DUSP16: variants seen among roughly 807,000 people sequenced by gnomAD.
DUSP16 encodes the protein dual specificity phosphatase 16.
In DUSP16, 21 loss-of-function variants were observed where a neutral mutation model predicts 58.3. The ratio of observed to expected loss-of-function variants is 0.36; its 90% confidence interval spans 0.26 to 0.52. DUSP16 has a LOEUF of 0.52. Among genes scored for constraint, DUSP16 ranks in the 20% least tolerant of loss-of-function variants. The pLI, the probability that DUSP16 is intolerant of heterozygous loss-of-function variation, is 0.94. For synonymous variants in DUSP16, 320 were observed against 323.8 expected, an observed-to-expected ratio of 0.99 and a Z score of 0.12; for missense variants, 726 against 819.0, an observed-to-expected ratio of 0.89 and a Z score of 1.39.
Position 12,560,391 on chromosome 12 carries a change from T to C in DUSP16, c.-366+1726A>G, listed in dbSNP as rs566830840. Among the ~76,000 whole-genome samples, 32 of 152,320 alleles carry C rather than the reference T, an allele frequency of 2.1e-4. No homozygotes were observed. The East Asian group carries it at 4.6e-3, about 22-fold the overall frequency. On this transcript the variant is annotated intron_variant, in intron 1 of 6. Transcript: ENST00000298573. ...TTCCCCCATGTAGAATTTTGATAAGTGCAAAAATTATTTTACCTAAAATCC... is the reference window on the plus strand; with the variant it reads ...TTCCCCCATGTAGAATTTTGATAAGCGCAAAAATTATTTTACCTAAAATCC...
At chr12:12,496,604 C>A (rs1943831541) in intron 4 of DUSP16, among the ~76,000 whole-genome samples, 1 of 152,214 alleles carries the variant, frequency 6.6e-6, no homozygotes, top group African/African-American at 2.4e-5. Flanking sequence ...ATAGGTAAGT[C>A]AGTCATATGC....
At position 12,487,222 on chromosome 12, in the gene DUSP16, A is replaced by C. The variant is rs771945340; in HGVS notation, c.532-35T>G. On this transcript the variant is annotated intron_variant, in intron 4 of 6. Transcript: ENST00000298573. ...GAAAGAGTAGCAGTTAAAGTGACTA[A>C]TAATATAGTAAACATGATCATTCTG... 1.9e-6 allele frequency: 3 copies of C among 1,601,004 alleles called. No homozygotes were observed. The South Asian group carries it at 3.3e-5, about 18-fold the overall frequency.
chr12:12,535,211 T>C (rs571716905), intron 1 of DUSP16, among the ~76,000 whole-genome samples: 5 of 152,332 alleles, frequency 3.3e-5, no homozygotes, highest in East Asian at 3.9e-4. Flanking sequence ...GAGCTGTTAG[T>C]TCTCCTTACC....
chr12:12,517,071 G>A (rs1944164560), intron 3 of DUSP16, among the ~76,000 whole-genome samples: 1 of 152,190 alleles, frequency 6.6e-6, no homozygotes, highest in Non-Finnish European at 1.5e-5. Context: ...AATTTCTTGG[G>A]AGTCCTCTTG....
chr12:12,482,348 T>TAA, intron 5 of DUSP16, among the ~76,000 whole-genome samples: 1 of 152,344 alleles, frequency 6.6e-6, no homozygotes, highest in South Asian at 2.1e-4. Flanking sequence ...GTTGAGGTTA[T>TAA]AGGTTTCCTT....
chr12:12,504,199 T>C (rs1943951282), intron 3 of DUSP16, among the ~76,000 whole-genome samples: 1 of 152,252 alleles, frequency 6.6e-6, no homozygotes, highest in Admixed American at 6.5e-5. Flanking sequence ...TCAGGCACTA[T>C]TTTAATTACA....
At chr12:12,556,850 A>G (rs565592700) in intron 1 of DUSP16, among the ~76,000 whole-genome samples, 247 of 152,340 alleles carry the variant, frequency 1.6e-3, no homozygotes, top group Non-Finnish European at 2.9e-3. Flanking sequence ...TGCCATAGGG[A>G]CAAGAGTTGA....
intron 1 of DUSP16, among the ~76,000 whole-genome samples, chr12:12,537,508 C>T (rs1451795781): frequency 1.3e-5 from 2 of 152,156 alleles, no homozygotes; most frequent in Admixed American, 1.3e-4. Context: ...AAAATCATTA[C>T]AAATACAGTA....
At chr12:12,514,151 T>A (rs913518685) in intron 3 of DUSP16, among the ~76,000 whole-genome samples, 1 of 152,224 alleles carries the variant, frequency 6.6e-6, no homozygotes, top group African/African-American at 2.4e-5. Context: ...CAAGCGTTAT[T>A]ATCTCTTTTT....
chr12:12,489,937 G>A (rs1943739314), intron 4 of DUSP16, among the ~76,000 whole-genome samples: 1 of 152,172 alleles, frequency 6.6e-6, no homozygotes, highest in South Asian at 2.1e-4. Context: ...ACTGTATTAA[G>A]CATTTAAATG....
At chr12:12,524,880 G>A (rs577682550) in intron 1 of DUSP16, among the ~76,000 whole-genome samples, 1 of 152,014 alleles carries the variant, frequency 6.6e-6, no homozygotes, top group Non-Finnish European at 1.5e-5. Context: ...ATCAATAAAG[G>A]TGTTTAAAAT....
At chr12:12,494,678 AT>A (rs1943805324) in intron 4 of DUSP16, among the ~76,000 whole-genome samples, 1 of 152,178 alleles carries the variant, frequency 6.6e-6, no homozygotes, top group Admixed American at 6.5e-5. Context: ...GGACAGAAAT[AT>A]CTGGGGTGCA....
chr12:12,482,091 T>G (rs1354386750), intron 5 of DUSP16, among the ~76,000 whole-genome samples: 1 of 152,200 alleles, frequency 6.6e-6, no homozygotes, highest in Non-Finnish European at 1.5e-5. Context: ...GGAAGGAGTC[T>G]GGGTTTTTGT....
chr12:12,556,615 AG>A (rs1344092587), intron 1 of DUSP16, among the ~76,000 whole-genome samples: 15 of 152,152 alleles, frequency 9.9e-5, no homozygotes, highest in African/African-American at 3.4e-4. Context: ...AAAAGAGTGA[AG>A]GGCACATATT....
chr12:12,489,801 C>T (rs1198192781), intron 4 of DUSP16, among the ~76,000 whole-genome samples: 2 of 152,140 alleles, frequency 1.3e-5, no homozygotes, highest in Non-Finnish European at 2.9e-5. Flanking sequence ...GAAATGACAA[C>T]CTATATTAAG....
chr12:12,522,648 C>T (rs1052426878), intron 1 of DUSP16, among the ~76,000 whole-genome samples: 3 of 152,046 alleles, frequency 2.0e-5, no homozygotes, highest in African/African-American at 7.2e-5. Context: ...ACTGCAACCC[C>T]TGCCTCTCAG....
rs1198917439 is a variant in DUSP16 at position 12,477,653 on chromosome 12, C to T, written c.1178G>A (p.Ser393Asn). 3 of 1,614,216 alleles carry T rather than the reference C, an allele frequency of 1.9e-6. No homozygotes were observed. Among genetic ancestry groups the T allele is most frequent in the Middle Eastern group, 1.6e-4 (1 of 6,062 alleles). ...LHLSADRLEDSNKLKRSFSLD... is the reference protein window; with the variant it reads ...LHLSADRLEDNNKLKRSFSLD... ...AGAGAAGGAACGCTTGAGCTTATTG[C>T]TGTCTTCCAGCCTGTCTGCGGACAG... is the stretch of plus-strand genomic sequence containing the variant. Residue 393 changes from serine (S) to asparagine (N), a missense_variant, in exon 7 of 7, where the codon AGC becomes AAC. Transcript: ENST00000298573. The surrounding 1 kb of genome is among the most constrained non-coding windows in gnomAD (Gnocchi z 4.1).
At chr12:12,489,196 T>G (rs1943727576) in intron 4 of DUSP16, among the ~76,000 whole-genome samples, 1 of 152,226 alleles carries the variant, frequency 6.6e-6, no homozygotes, top group African/African-American at 2.4e-5. Context: ...GTGGATTTCT[T>G]AGATTGGCCA....
rs1444427823 is a variant in DUSP16 at position 12,476,789 on chromosome 12, CAAG to C, written c.*41_*43del. ...GATTTACAGGGAATTTTTTTGTGAA[CAAG>C]AAAAAAAAATTGTCTATAGAAGTCA... On this transcript the variant is annotated 3_prime_UTR_variant, in exon 7 of 7. Coordinates refer to ENST00000298573, the MANE Select transcript of DUSP16 (RefSeq NM_030640.3). 4 of 1,507,726 alleles carry C rather than the reference CAAG, an allele frequency of 2.7e-6. No homozygotes were observed. The highest frequency in any genetic ancestry group is 3.5e-6 in the Non-Finnish European group (4 of 1,134,728). The allele number at this position is 1,507,726 out of a possible 1,614,324, so 93.4% of individuals were successfully genotyped here. A position where few individuals can be genotyped will look rare whatever the true frequency, so the allele number is the denominator to read the frequency against.
Sources: allele counts gnomAD v4.1 joint callset (sites outside exome capture counted in the v4.1 genomes callset), GRCh38; gene constraint gnomAD v4.1.1; non-coding constraint Gnocchi (gnomAD v3.1); transcripts MANE v1.5; gene names NCBI Gene and HGNC (gene_info 2026-07-23, HGNC 2026-07-21).